Variants in CAMKMT observed in about 807,000 individuals in gnomAD.
CAMKMT encodes CaM KMT.
CAMKMT carries 53 observed loss-of-function variants against 48.0 expected under a neutral mutation model. That is an observed-to-expected ratio of 1.10 (90% confidence interval 0.89 to 1.39). CAMKMT has a LOEUF of 1.39. CAMKMT is among the 40% of genes most tolerant of loss of function. CAMKMT has a pLI of 0.00. For missense variants in CAMKMT, 428 were observed against 402.7 expected (o/e 1.06, Z -0.54); for synonymous variants, 165 against 152.3 (o/e 1.08, Z -0.61).
At chr2:44,438,912 C>T (rs956345783) in intron 3 of CAMKMT, among the ~76,000 whole-genome samples, 3 of 152,142 alleles carry the variant, frequency 2.0e-5, no homozygotes, top group Non-Finnish European at 4.4e-5. Flanking sequence ...AAAATGGACA[C>T]GGCATCCCCT....
chr2:44,662,802 G>A (rs1044285556), intron 3 of CAMKMT, among the ~76,000 whole-genome samples: 2 of 152,054 alleles, frequency 1.3e-5, no homozygotes, highest in South Asian at 2.1e-4. Flanking sequence ...GGGCTCAAGC[G>A]ACTTTCCTAC....
chr2:44,675,974 G>T (rs867101532), intron 3 of CAMKMT, among the ~76,000 whole-genome samples: 1 of 152,106 alleles, frequency 6.6e-6, no homozygotes, highest in African/African-American at 2.4e-5. Context: ...GTCCCCCAAG[G>T]TTCATCCATG....
intron 8 of CAMKMT, among the ~76,000 whole-genome samples, chr2:44,752,643 G>A (rs59987258): frequency 0.03 from 4,617 of 152,176 alleles, 200 homozygotes; most frequent in African/African-American, 0.11. Context: ...GAACAGAAAT[G>A]TAATTCTCAC....
intron 3 of CAMKMT, among the ~76,000 whole-genome samples, chr2:44,651,148 G>C (rs1226739050): frequency 6.6e-6 from 1 of 152,148 alleles, no homozygotes; most frequent in African/African-American, 2.4e-5. Context: ...GCTATAAAAT[G>C]TTCATTCAAT....
chr2:44,662,363 T>G (rs1005952355), intron 3 of CAMKMT, among the ~76,000 whole-genome samples: 3 of 152,198 alleles, frequency 2.0e-5, no homozygotes, highest in Admixed American at 6.5e-5. Flanking sequence ...CTTACTGCCA[T>G]TGTCTGCTAA....
chr2:44,506,321 C>T (rs1670260046), intron 3 of CAMKMT, among the ~76,000 whole-genome samples: 1 of 152,066 alleles, frequency 6.6e-6, no homozygotes, highest in Admixed American at 6.5e-5. Context: ...CTCTTCTACA[C>T]AATATATTTA....
rs150752354 is a variant in CAMKMT at position 44,570,641 on chromosome 2, C to G, written c.377-133642C>G. ...GAAACTACTAATGTGGTTAGCTATT[C>G]TTATCTGCTTCTGTTTCTTCAAACT... On this transcript the variant is annotated intron_variant, in intron 3 of 10. Transcript: ENST00000378494. 4.5e-4 allele frequency among the ~76,000 whole-genome samples: 68 copies of G among 152,234 alleles called. 1 individual carries two copies. The East Asian group carries it at 0.011, about 25-fold the overall frequency.
chr2:44,622,786 G>A (rs927973665), intron 3 of CAMKMT, among the ~76,000 whole-genome samples: 2 of 152,204 alleles, frequency 1.3e-5, no homozygotes, highest in Admixed American at 1.3e-4. Context: ...GAATAGTGCT[G>A]TGATGAACAT....
intron 3 of CAMKMT, among the ~76,000 whole-genome samples, chr2:44,663,402 C>G (rs1490863671): frequency 6.6e-6 from 1 of 152,230 alleles, no homozygotes; most frequent in African/African-American, 2.4e-5. Flanking sequence ...CCACTACCAT[C>G]TTCAAGCAAA....
At chr2:44,756,372 C>T (rs560522730) in intron 9 of CAMKMT, among the ~76,000 whole-genome samples, 1 of 152,276 alleles carries the variant, frequency 6.6e-6, no homozygotes, top group South Asian at 2.1e-4. Context: ...ACAATTAGAG[C>T]TGGTTTTAGT....
intron 3 of CAMKMT, among the ~76,000 whole-genome samples, chr2:44,513,294 G>A (rs1448778880): frequency 6.7e-6 from 1 of 150,338 alleles, no homozygotes; most frequent in Non-Finnish European, 1.5e-5. Context: ...GAGGGGGACT[G>A]GAACATAGGA....
intron 7 of CAMKMT, among the ~76,000 whole-genome samples, chr2:44,721,984 A>G (rs906218575): frequency 2.6e-5 from 4 of 152,194 alleles, no homozygotes; most frequent in African/African-American, 7.2e-5. Context: ...GACATTTCAC[A>G]TAAATGGAAG....
intron 3 of CAMKMT, among the ~76,000 whole-genome samples, chr2:44,428,941 T>A (rs1684459293): frequency 6.6e-6 from 1 of 152,160 alleles, no homozygotes; most frequent in South Asian, 2.1e-4. Flanking sequence ...GAGCAAGAAG[T>A]TATTTTGCCT....
chr2:44,417,277 C>T (rs1683623228), intron 3 of CAMKMT, among the ~76,000 whole-genome samples: 1 of 152,042 alleles, frequency 6.6e-6, no homozygotes, highest in Admixed American at 6.6e-5. Flanking sequence ...CACCTGTAAT[C>T]CCAGCTACTC....
intron 3 of CAMKMT, among the ~76,000 whole-genome samples, chr2:44,686,114 C>T (rs1676319167): frequency 6.6e-6 from 1 of 152,196 alleles, no homozygotes. Flanking sequence ...AAAGCCTTGG[C>T]CAGGCCCAGT....
chr2:44,511,672 A>C (rs1357383423), intron 3 of CAMKMT, among the ~76,000 whole-genome samples: 1 of 152,188 alleles, frequency 6.6e-6, no homozygotes, highest in Admixed American at 6.5e-5. Flanking sequence ...ATTATCTGAA[A>C]GTAAAAAGGT....
chr2:44,654,986 T>G (rs1414882994), intron 3 of CAMKMT, among the ~76,000 whole-genome samples: 1 of 152,216 alleles, frequency 6.6e-6, no homozygotes, highest in African/African-American at 2.4e-5. Flanking sequence ...TCCATTTTTT[T>G]GCCATTATAA....
intron 3 of CAMKMT, chr2:44,456,569 G>A (rs899599164): frequency 6.5e-7 from 1 of 1,549,570 alleles, no homozygotes; most frequent in Non-Finnish European, 8.7e-7. Context: ...CTCTTTTAGG[G>A]GAAGCAACCA....
rs148151663 is a variant in CAMKMT, at chr2:44,598,565, G to A, written c.377-105718G>A. On this transcript the variant is annotated intron_variant, in intron 3 of 10. Transcript: ENST00000378494. ...CTGACAAGTATGACTTAATCATACAGCACTTTTAGTCTATGAAACCTACTT... is the reference window on the plus strand; with the variant it reads ...CTGACAAGTATGACTTAATCATACAACACTTTTAGTCTATGAAACCTACTT... Among the ~76,000 whole-genome samples, 491 of 151,322 alleles carry A rather than the reference G, an allele frequency of 3.2e-3. 1 individual carries two copies. Among genetic ancestry groups the A allele is most frequent in the Middle Eastern group, 0.01 (3 of 292 alleles).
Sources: allele counts gnomAD v4.1 joint callset (sites outside exome capture counted in the v4.1 genomes callset), GRCh38; gene constraint gnomAD v4.1.1; transcripts MANE v1.5; gene names NCBI Gene and HGNC (gene_info 2026-07-23, HGNC 2026-07-21).